Variants in KISS1 observed in about 807,000 individuals in gnomAD.
The protein encoded by KISS1 is KiSS-1 metastasis suppressor, also known as metastasis-suppressor KiSS-1.
For synonymous variants in KISS1, 97 were observed against 88.7 expected, an observed-to-expected ratio of 1.09 and a Z score of -0.52; for missense variants, 182 against 182.7, an observed-to-expected ratio of 1.00 and a Z score of 0.02.
chr1:204,193,510 A>G (rs918127210), intron 1 of KISS1, among the ~76,000 whole-genome samples: 2 of 152,192 alleles, frequency 1.3e-5, no homozygotes, highest in Non-Finnish European at 2.9e-5. Flanking sequence ...CTGTAAGAGA[A>G]ACTTATTTCT....
At position 204,190,409 on chromosome 1, in the gene KISS1, T is replaced by TGCCCCCCC; in HGVS notation, c.*74_*75insGGGGGGGC. 141 of 569,772 alleles carry TGCCCCCCC rather than the reference T, an allele frequency of 2.5e-4. 1 individual carries two copies. Among genetic ancestry groups the TGCCCCCCC allele is most frequent in the Middle Eastern group, 1.4e-3 (3 of 2,070 alleles). 35.3% of individuals were successfully genotyped at this position (569,772 alleles called of 1,614,324 possible). On this transcript the variant is annotated 3_prime_UTR_variant, in exon 3 of 3. Coordinates refer to ENST00000367194, the MANE Select transcript of KISS1 (RefSeq NM_002256.4). ...CAGCGCCCCCTCCCTTAGCCCTACG[T>TGCCCCCCC]CCCCGCCCCCCGCCCCCGCCCCGCA...
intron 1 of KISS1, among the ~76,000 whole-genome samples, chr1:204,195,515 A>G (rs537937738): frequency 2.7e-5 from 4 of 150,156 alleles, no homozygotes; most frequent in Admixed American, 6.6e-5. Context: ...CACCACACAT[A>G]CCACACATGC....
intron 1 of KISS1, among the ~76,000 whole-genome samples, chr1:204,193,312 G>A (rs537747135): frequency 1.3e-5 from 2 of 152,130 alleles, no homozygotes; most frequent in Admixed American, 6.5e-5. Flanking sequence ...ATATAGGAGT[G>A]ACTGGGGAGG....
rs1283909801 is a variant in KISS1 at position 204,190,676 on chromosome 1, G to T, written c.225C>A (p.Pro75=). The part of the protein sequence containing the change: ...SRRGTSLSPP[P]ESSGSPQQPG... ...GCTGCTGGGGGCTCCCGGAGCTCTC[G>T]GGGGGCGGGGACAGCGAGGTCCCCC... Residue 75 remains proline, a synonymous_variant, in exon 3 of 3, where the codon CCC becomes CCA. Coordinates refer to ENST00000367194, the MANE Select transcript of KISS1 (RefSeq NM_002256.4). 3.1e-6 allele frequency: 5 copies of T among 1,590,382 alleles called. No individual in the cohort carries two copies. The highest frequency in any genetic ancestry group is 1.8e-5 in the Admixed American group (1 of 56,378).
chr1:204,196,179 C>A (rs891243541), intron 1 of KISS1, among the ~76,000 whole-genome samples, 197 bp downstream of exon 1: 1 of 152,186 alleles, frequency 6.6e-6, no homozygotes, highest in Non-Finnish European at 1.5e-5. Flanking sequence ...AAATAAAGTG[C>A]GACTCAGTGT....
Position 204,190,360 on chromosome 1 carries a change from T to G in KISS1, c.*124A>C. The stretch of plus-strand genomic sequence containing the variant: ...CGTCAGTGAGTTACGCAACATTTCT[T>G]TTATTGCCTCGGGTTGGAAGCTCCA... On this transcript the variant is annotated 3_prime_UTR_variant, in exon 3 of 3. Coordinates refer to ENST00000367194, the MANE Select transcript of KISS1 (RefSeq NM_002256.4). The G allele has an allele frequency of 1.9e-6, 2 of 1,031,634 alleles. No homozygotes were observed. The highest frequency in any genetic ancestry group is 1.6e-5 in the African/African-American group (1 of 62,950). The allele number at this position is 1,031,634 out of a possible 1,614,324, so 63.9% of individuals were successfully genotyped here. A position where few individuals can be genotyped will look rare whatever the true frequency, so the allele number is the denominator to read the frequency against.
At chr1:204,193,032 G>C (rs1016715137) in intron 1 of KISS1, 118 bp from the exon 2 acceptor site, 1 of 686,050 alleles carries the variant, frequency 1.5e-6, no homozygotes, top group Non-Finnish European at 2.7e-6. Flanking sequence ...TCTTGCCTTT[G>C]GAGGCTCCTG....
chr1:204,190,720 T>C lies in KISS1; in HGVS notation c.181A>G (p.Thr61Ala), dbSNP rs745395532. The C allele has an allele frequency of 2.6e-5, 42 of 1,608,726 alleles. 1 individual carries two copies. The South Asian group carries it at 4.3e-4, about 17-fold the overall frequency. ...LPCTERKPAA[T>A]ARLSRRGTSL... ...GTCCCCCGACGGCTCAGCCTGGCAGTAGCAGCTGGCTTCCTCTCGGTGCAC... is the reference window on the plus strand; with the variant it reads ...GTCCCCCGACGGCTCAGCCTGGCAGCAGCAGCTGGCTTCCTCTCGGTGCAC... Residue 61 changes from threonine (T) to alanine (A), a missense_variant, in exon 3 of 3, where the codon ACT becomes GCT. Coordinates refer to ENST00000367194, the MANE Select transcript of KISS1 (RefSeq NM_002256.4).
At chr1:204,195,132 G>GCA (rs750259853) in intron 1 of KISS1, among the ~76,000 whole-genome samples, 333 of 6,610 alleles carry the variant, frequency 0.05, no homozygotes, top group African/African-American at 0.14. Context: ...CCTGACCCCA[G>GCA]CACACACACA....
Position 204,192,855 on chromosome 1 carries a change from G to T in KISS1, c.22C>A (p.Gln8Lys). Residue 8 changes from glutamine (Q) to lysine (K), a missense_variant, in exon 2 of 3, where the codon CAG becomes AAG. Gln to Lys is a moderately conservative substitution (Grantham distance 53, BLOSUM62 1). Transcript: ENST00000367194. The surrounding 1 kb of genome is among the most constrained non-coding windows in gnomAD (Gnocchi z 4.2). ...GTGGCACAGAGGAAAAGCAGTAGCT[G>T]CCAAGAAACCAGTGAGTTCATCTTG... MNSLVSW[Q>K]LLLFLCATHF... is the part of the protein sequence containing the mutation. The T allele has an allele frequency of 6.3e-7, 1 of 1,593,718 alleles. No individual in the cohort carries two copies.
intron 1 of KISS1, among the ~76,000 whole-genome samples, chr1:204,193,745 G>A (rs992685381): frequency 3.3e-5 from 5 of 152,176 alleles, no homozygotes; most frequent in South Asian, 2.1e-4. Flanking sequence ...GCTGAGATGG[G>A]AGCCGTGTGC....
At chr1:204,191,342 G>A (rs1282990307) in intron 2 of KISS1, among the ~76,000 whole-genome samples, 1 of 152,136 alleles carries the variant, frequency 6.6e-6, no homozygotes, top group Non-Finnish European at 1.5e-5. Flanking sequence ...GATAAGAATT[G>A]TGACCACCCA....
At position 204,190,358 on chromosome 1, in the gene KISS1, C is replaced by A. The variant is rs965536617; in HGVS notation, c.*126G>T. ...CACGTCAGTGAGTTACGCAACATTT[C>A]TTTTATTGCCTCGGGTTGGAAGCTC... On this transcript the variant is annotated 3_prime_UTR_variant, in exon 3 of 3. Transcript: ENST00000367194. The A allele has an allele frequency of 6.8e-6, 7 of 1,025,122 alleles. No individual in the cohort carries two copies. Among genetic ancestry groups the A allele is most frequent in the South Asian group, 6.8e-5 (5 of 73,320 alleles). 63.5% of individuals were successfully genotyped at this position (1,025,122 alleles called of 1,614,324 possible).
Position 204,190,479 on chromosome 1 carries a change from C to T in KISS1, c.*5G>A. 1.3e-6 allele frequency: 2 copies of T among 1,586,716 alleles called. No homozygotes were observed. Among genetic ancestry groups the T allele is most frequent in the East Asian group, 2.3e-5 (1 of 42,878 alleles). On this transcript the variant is annotated 3_prime_UTR_variant, in exon 3 of 3. Coordinates refer to ENST00000367194, the MANE Select transcript of KISS1 (RefSeq NM_002256.4). ...TCTGAAGTTCACTGCCCCGCACCTG[C>T]GCCCTCAGCCCCGCCCAGCGCTTCT... is the stretch of plus-strand genomic sequence containing the variant.
At chr1:204,194,490 G>A (rs1419095508) in intron 1 of KISS1, among the ~76,000 whole-genome samples, 1 of 152,232 alleles carries the variant, frequency 6.6e-6, no homozygotes, top group Non-Finnish European at 1.5e-5. Flanking sequence ...CACTCCTTGA[G>A]CACCGACTAG....
intron 2 of KISS1, among the ~76,000 whole-genome samples, chr1:204,191,290 GACATTGTGGCCCCAC>G (rs1658738940): frequency 6.6e-6 from 1 of 152,154 alleles, no homozygotes; most frequent in Non-Finnish European, 1.5e-5. Context: ...GTGGAGCTAA[GACATTGTGGCCCCAC>G]ACACCTGTGT....
At position 204,192,702 on chromosome 1, in the gene KISS1, G is replaced by C. The variant is rs1658765434; in HGVS notation, c.103+72C>G. On this transcript the variant is annotated intron_variant, in intron 2 of 2. Coordinates refer to ENST00000367194, the MANE Select transcript of KISS1 (RefSeq NM_002256.4). This position sits in a 1 kb window ranked among gnomAD's most constrained non-coding sequence, Gnocchi z 4.2. ...TAAACTCACACCAGTCGACTAGATGGAAAATACGGGAAAGCTCATTTTGCA... is the reference window on the plus strand; with the variant it reads ...TAAACTCACACCAGTCGACTAGATGCAAAATACGGGAAAGCTCATTTTGCA... The C allele has an allele frequency of 3.3e-6, 3 of 915,238 alleles. No homozygotes were observed. The allele number at this position is 915,238 out of a possible 1,614,324, so 56.7% of individuals were successfully genotyped here. A position where few individuals can be genotyped will look rare whatever the true frequency, so the allele number is the denominator to read the frequency against.
At chr1:204,195,105 G>A (rs574085039) in intron 1 of KISS1, among the ~76,000 whole-genome samples, 8 of 46,938 alleles carry the variant, frequency 1.7e-4, no homozygotes, top group Non-Finnish European at 2.1e-4. Flanking sequence ...TACCATGTGC[G>A]CCATGGGACA....
intron 2 of KISS1, among the ~76,000 whole-genome samples, chr1:204,191,272 T>A (rs1658738686): frequency 6.6e-6 from 1 of 152,044 alleles, no homozygotes; most frequent in Non-Finnish European, 1.5e-5. Flanking sequence ...GTAACAGAAA[T>A]CGAGAAAGTG....
Sources: gnomAD v4.1 joint callset for allele counts (sites outside exome capture counted in the v4.1 genomes callset) on GRCh38, gnomAD v4.1.1 for gene constraint, Gnocchi (gnomAD v3.1) non-coding constraint, MANE v1.5 for transcripts, NCBI Gene and HGNC (gene_info 2026-07-23, HGNC 2026-07-21) for gene names.